CMKLR2: variants seen among roughly 807,000 people sequenced by gnomAD.
The protein encoded by CMKLR2 is chemerin-like receptor 2.
CMKLR2 carries 18 observed loss-of-function variants against 23.0 expected under a neutral mutation model. That is an observed-to-expected ratio of 0.78 (90% CI 0.54 to 1.16). The LOEUF (loss-of-function observed/expected upper bound fraction) is 1.16, where lower values mean the gene tolerates loss of function less well. Ranked by LOEUF, CMKLR2 falls within the 50% of genes most tolerant of loss-of-function variation. The pLI, the probability that CMKLR2 is intolerant of heterozygous loss-of-function variation, is 0.00. For missense variants in CMKLR2, 401 were observed against 412.7 expected (o/e 0.97, Z 0.25); for synonymous variants, 158 against 158.9 (o/e 0.99, Z 0.05).
chr2:206,189,501 T>A (rs4673345), intron 1 of CMKLR2, among the ~76,000 whole-genome samples: 1 of 151,792 alleles, frequency 6.6e-6, no homozygotes, highest in Non-Finnish European at 1.5e-5. Context: ...TGGGTGTGGT[T>A]GTGCGTGCCT....
chr2:206,184,399 C>A (rs182043355), intron 1 of CMKLR2, among the ~76,000 whole-genome samples: 8 of 151,646 alleles, frequency 5.3e-5, no homozygotes, highest in African/African-American at 1.9e-4. Context: ...CGGTTTCAAG[C>A]GATTCTTCTG....
At chr2:206,200,671 C>T (rs1444400844) in intron 1 of CMKLR2, among the ~76,000 whole-genome samples, 1 of 152,060 alleles carries the variant, frequency 6.6e-6, no homozygotes, top group Non-Finnish European at 1.5e-5. Flanking sequence ...GCTATGTTGC[C>T]CAGGCTGCAC....
Position 206,176,453 on chromosome 2 carries a change from A to G in CMKLR2, c.795T>C (p.Phe265=), listed in dbSNP as rs771541376. ...FVVCWTPYHL[F]SIWELTIHHN... is the part of the protein sequence containing the mutation. ...GGTGAATGGTGAGCTCCCAAATGCT[A>G]AACAGGTGATAAGGAGTCCAGCAAA... Residue 265 remains phenylalanine (F), a synonymous_variant, in exon 2 of 2, where the codon TTT becomes TTC. Coordinates refer to ENST00000621141, the MANE Select transcript of CMKLR2 (RefSeq NM_001389445.1). The G allele has an allele frequency of 1.2e-6, 2 of 1,614,190 alleles. No homozygotes were observed. Among genetic ancestry groups the G allele is most frequent in the Admixed American group, 1.7e-5 (1 of 60,012 alleles).
At chr2:206,203,942 T>C (rs1689209368) in intron 1 of CMKLR2, 1 of 152,242 alleles carries the variant, frequency 6.6e-6, no homozygotes, top group African/African-American at 2.4e-5. Flanking sequence ...ATCGATGATA[T>C]AGGGAACTGG....
chr2:206,197,870 A>G (rs1166572690), intron 1 of CMKLR2, among the ~76,000 whole-genome samples: 2 of 152,150 alleles, frequency 1.3e-5, no homozygotes, highest in Non-Finnish European at 2.9e-5. Context: ...CAAAACTGCC[A>G]TCACTTTTTA....
intron 1 of CMKLR2, among the ~76,000 whole-genome samples, chr2:206,209,624 C>T (rs1689464415): frequency 6.7e-6 from 1 of 149,358 alleles, no homozygotes; most frequent in African/African-American, 2.5e-5. Context: ...TGAGAACATG[C>T]CGTGTTTGGT....
chr2:206,196,543 G>A (rs1265940778), intron 1 of CMKLR2, among the ~76,000 whole-genome samples: 1 of 152,118 alleles, frequency 6.6e-6, no homozygotes, highest in Admixed American at 6.6e-5. Flanking sequence ...TGCAGAGGAG[G>A]ATGACTTGAT....
chr2:206,194,960 G>GT (rs1305028034), intron 1 of CMKLR2, among the ~76,000 whole-genome samples: 1 of 150,432 alleles, frequency 6.6e-6, no homozygotes, highest in Non-Finnish European at 1.5e-5. Context: ...GTTTCACTGT[G>GT]TTAGCCAAGA....
intron 1 of CMKLR2, among the ~76,000 whole-genome samples, chr2:206,211,962 A>T (rs1689584055): frequency 6.6e-6 from 1 of 151,928 alleles, no homozygotes; most frequent in South Asian, 2.1e-4. Context: ...CATACATAAA[A>T]TTAAATTTTG....
intron 1 of CMKLR2, among the ~76,000 whole-genome samples, chr2:206,212,229 T>C (rs967054307): frequency 6.6e-6 from 1 of 152,146 alleles, no homozygotes; most frequent in African/African-American, 2.4e-5. Context: ...TAACAGAAAA[T>C]GTATGACCTT....
chr2:206,184,175 G>A (rs1304071389), intron 1 of CMKLR2, among the ~76,000 whole-genome samples: 1 of 151,938 alleles, frequency 6.6e-6, no homozygotes, highest in Non-Finnish European at 1.5e-5. Flanking sequence ...CATTCTCCCT[G>A]TGTGACTGTC....
intron 1 of CMKLR2, among the ~76,000 whole-genome samples, chr2:206,181,603 G>A (rs537458050): frequency 2.0e-5 from 3 of 152,116 alleles, no homozygotes; most frequent in Non-Finnish European, 4.4e-5. Context: ...TATGTTTTAT[G>A]TATTATATAC....
chr2:206,198,111 C>G (rs189231464), intron 1 of CMKLR2, among the ~76,000 whole-genome samples: 3 of 152,060 alleles, frequency 2.0e-5, no homozygotes, highest in Non-Finnish European at 4.4e-5. Flanking sequence ...CAGCGTAGGA[C>G]CTTGTCTTTG....
chr2:206,203,161 C>CAAAAAAAAAAAA (rs35488030), intron 1 of CMKLR2, among the ~76,000 whole-genome samples: 1 of 119,024 alleles, frequency 8.4e-6, no homozygotes, highest in Admixed American at 9.4e-5. Context: ...TCTAAAACTA[C>CAAAAAAAAAAAA]AAAAAAAAAA....
intron 1 of CMKLR2, among the ~76,000 whole-genome samples, chr2:206,193,623 C>T (rs1271450907): frequency 6.6e-6 from 1 of 152,082 alleles, no homozygotes; most frequent in Non-Finnish European, 1.5e-5. Context: ...GTCTTCTGGG[C>T]AATGTTATGT....
chr2:206,189,647 AAAAAG>A lies in CMKLR2; in HGVS notation c.-28-12377_-28-12373del, dbSNP rs565178023. On this transcript the variant is annotated intron_variant, in intron 1 of 1. Transcript: ENST00000621141. ...GAGACTTCATCTAAAAAGAAAAAAA[AAAAAG>A]AAAAGAAAAGAATGAATAGAAAGAA... Among the ~76,000 whole-genome samples, 707 of 152,168 alleles carry A rather than the reference AAAAAG, an allele frequency of 4.6e-3. 3 individuals are homozygous for A. Among genetic ancestry groups the A allele is most frequent in the Non-Finnish European group, 6.8e-3 (465 of 68,020 alleles).
At chr2:206,202,404 G>A (rs1559094941) in intron 1 of CMKLR2, among the ~76,000 whole-genome samples, 3 of 152,104 alleles carry the variant, frequency 2.0e-5, no homozygotes. Flanking sequence ...TGTTTGAAAC[G>A]GGGTGGAGTC....
At chr2:206,179,091 T>TTTTA (rs1688325164) in intron 1 of CMKLR2, among the ~76,000 whole-genome samples, 1 of 75,358 alleles carries the variant, frequency 1.3e-5, no homozygotes, top group African/African-American at 6.3e-5. Context: ...TTTTTTTTTT[T>TTTTA]TGAGACAGAA....
In CMKLR2 at chr2:206,203,161, C is replaced by CAAAAAAA. The variant is rs35488030; in HGVS notation, c.-29+10139_-29+10145dup. ...TGAAACCCAGTCTCTTCTAAAACTA[C>CAAAAAAA]AAAAAAAAAAAAAAAAATTAGCCGG... On this transcript the variant is annotated intron_variant, in intron 1 of 1. Transcript: ENST00000621141. Among the ~76,000 whole-genome samples the CAAAAAAA allele has an allele frequency of 6.9e-3, 822 of 118,962 alleles. 26 individuals carry two copies. Among genetic ancestry groups the CAAAAAAA allele is most frequent in the African/African-American group, 0.022 (677 of 31,036 alleles). The allele number at this position is 118,962 out of a possible 152,430, so 78.0% of individuals were successfully genotyped here.
Sources: allele counts gnomAD v4.1 joint callset (sites outside exome capture counted in the v4.1 genomes callset), GRCh38; gene constraint gnomAD v4.1.1; transcripts MANE v1.5; gene names NCBI Gene and HGNC (gene_info 2026-07-23, HGNC 2026-07-21).